Variants in ADAM2 observed in about 807,000 individuals in gnomAD.
ADAM2 encodes the protein disintegrin and metalloproteinase domain-containing protein 2.
Under a neutral mutation model 99.3 loss-of-function variants are expected in ADAM2, and 101 were observed. The ratio of observed to expected loss-of-function variants is 1.02; its 90% CI spans 0.87 to 1.20. ADAM2 has a LOEUF of 1.20. Ranked by LOEUF, ADAM2 falls within the 50% of genes most tolerant of loss-of-function variation. ADAM2 has a pLI of 0.00. For synonymous variants in ADAM2, 323 were observed against 287.6 expected (o/e 1.12, Z -1.25); for missense variants, 948 against 878.7 (o/e 1.08, Z -1.00).
chr8:39,766,820 A>G, intron 14 of ADAM2, 28 bp downstream of exon 14: 1 of 1,511,978 alleles, frequency 6.6e-7, no homozygotes, highest in Non-Finnish European at 9.0e-7. Context: ...AAAAACGCAT[A>G]TATGAGAAAT....
At chr8:39,787,097 AATT>A (rs1339893396) in intron 9 of ADAM2, 42 bp from the exon 10 acceptor site, 1 of 1,230,890 alleles carries the variant, frequency 8.1e-7, no homozygotes, top group African/African-American at 1.6e-5. Flanking sequence ...ATTTTGTAAA[AATT>A]AATATGAATT....
At chr8:39,822,839 G>A (rs761442422) in intron 4 of ADAM2, among the ~76,000 whole-genome samples, 2 of 152,044 alleles carry the variant, frequency 1.3e-5, no homozygotes, top group African/African-American at 2.4e-5. Flanking sequence ...CGTGATCTCG[G>A]CTCACTGCAA....
intron 10 of ADAM2, among the ~76,000 whole-genome samples, chr8:39,779,550 A>G (rs1304505187): frequency 6.6e-6 from 1 of 152,156 alleles, no homozygotes; most frequent in Non-Finnish European, 1.5e-5. Context: ...GGTTCTTGTT[A>G]TTATTATCTC....
At chr8:39,793,296 G>T (rs530864056) in intron 7 of ADAM2, among the ~76,000 whole-genome samples, 1 of 152,074 alleles carries the variant, frequency 6.6e-6, no homozygotes, top group Non-Finnish European at 1.5e-5. Flanking sequence ...AATGCAAAAT[G>T]AGAGCAGCCA....
chr8:39,755,630 C>T (rs541791925), intron 16 of ADAM2, 98 bp downstream of exon 16: 1 of 862,250 alleles, frequency 1.2e-6, no homozygotes, highest in South Asian at 1.6e-5. Flanking sequence ...GCAGAGATCA[C>T]ACCACTGCAC....
chr8:39,809,497 T>C (rs750647237), intron 6 of ADAM2, 31 bp from the exon 7 acceptor site: 1 of 1,071,728 alleles, frequency 9.3e-7, no homozygotes, highest in Non-Finnish European at 1.4e-6. Context: ...TACATCAAAA[T>C]TACAGAATTA....
rs151129845 is a variant in ADAM2 at position 39,746,584 on chromosome 8, G to C, written c.2062C>G (p.Pro688Ala). The change falls in exon 19 of 21, where the codon CCA becomes GCA. Residue 688 changes from proline to alanine, a missense_variant. By Grantham distance (27) the Pro-to-Ala change is conservative (BLOSUM62 -1). Coordinates refer to ENST00000265708, the MANE Select transcript of ADAM2 (RefSeq NM_001464.5). ...NIYHSKPMRW[P>A]FFLFIPFFII... ...AAGAAAGGAATGAATAAGAAAAATG[G>C]CCATCTCATTGGTTTGGAATGGTAA... 5.7e-5 allele frequency: 91 copies of C among 1,606,686 alleles called. No homozygotes were observed. The African/African-American group carries it at 1.1e-3, about 19-fold the overall frequency.
chr8:39,788,370 C>A (rs1425531941), intron 8 of ADAM2, 119 bp from the exon 9 acceptor site: 2 of 626,520 alleles, frequency 3.2e-6, no homozygotes, highest in African/African-American at 3.9e-5. Context: ...GTCTGCATTT[C>A]ATCTTTTAAA....
chr8:39,760,097 C>T (rs1027487388), intron 15 of ADAM2, among the ~76,000 whole-genome samples: 46 of 152,112 alleles, frequency 3.0e-4, no homozygotes, highest in Non-Finnish European at 5.6e-4. Context: ...TAACTCCTAA[C>T]CTCAGGTGAT....
At chr8:39,837,627 CGCCTTCCTCA>C (rs909564570) in intron 1 of ADAM2, among the ~76,000 whole-genome samples, 9 of 152,060 alleles carry the variant, frequency 5.9e-5, no homozygotes, top group Non-Finnish European at 1.0e-4. Context: ...CCTCGTGATA[CGCCTTCCTCA>C]GCCTCCCAAA....
intron 3 of ADAM2, among the ~76,000 whole-genome samples, chr8:39,825,175 T>G (rs2129588571): frequency 6.6e-6 from 1 of 152,316 alleles, no homozygotes; most frequent in South Asian, 2.1e-4. Flanking sequence ...TGGAAAGTTC[T>G]TCAACATAGT....
At chr8:39,774,492 C>T (rs897205100) in intron 11 of ADAM2, among the ~76,000 whole-genome samples, 13 of 151,726 alleles carry the variant, frequency 8.6e-5, no homozygotes, top group Admixed American at 1.3e-4. Context: ...TAATCAATAC[C>T]ATTTCTATAT....
At chr8:39,819,755 C>A (rs557021719) in intron 6 of ADAM2, among the ~76,000 whole-genome samples, 7 of 152,090 alleles carry the variant, frequency 4.6e-5, no homozygotes, top group African/African-American at 1.7e-4. Context: ...ATTTACCAAG[C>A]CTTCACAATC....
intron 8 of ADAM2, 145 bp from the exon 9 acceptor site, chr8:39,788,396 T>G (rs1803566510): frequency 1.7e-6 from 1 of 571,992 alleles, no homozygotes; most frequent in African/African-American, 2.0e-5. Context: ...TTAGTAAGTT[T>G]AAAATGTTAC....
intron 7 of ADAM2, among the ~76,000 whole-genome samples, chr8:39,798,669 T>G (rs1304626497): frequency 6.6e-6 from 1 of 152,184 alleles, no homozygotes; most frequent in Non-Finnish European, 1.5e-5. Context: ...TGTCTGGTCC[T>G]GGGCTTTTTT....
At chr8:39,824,192 A>G (rs1211917232) in intron 4 of ADAM2, among the ~76,000 whole-genome samples, 1 of 150,924 alleles carries the variant, frequency 6.6e-6, no homozygotes, top group African/African-American at 2.4e-5. Flanking sequence ...CTGAGGCAGG[A>G]GAATCACTTG....
At chr8:39,806,234 T>A (rs1354774338) in intron 7 of ADAM2, among the ~76,000 whole-genome samples, 1 of 150,964 alleles carries the variant, frequency 6.6e-6, no homozygotes, top group Admixed American at 6.6e-5. Flanking sequence ...CCACTAGGAA[T>A]CCAGGCTCAA....
In ADAM2 at chr8:39,786,970, A is replaced by G; in HGVS notation, c.891+4T>C. On this transcript the variant is annotated splice_donor_region_variant and intron_variant, in intron 10 of 20. Coordinates refer to ENST00000265708, the MANE Select transcript of ADAM2 (RefSeq NM_001464.5). ...CATACTTTCTATACATAACCATACCATACCAGAACAACACCTCCTGCATAG... is the reference window on the plus strand; with the variant it reads ...CATACTTTCTATACATAACCATACCGTACCAGAACAACACCTCCTGCATAG... 1.9e-6 allele frequency: 3 copies of G among 1,581,926 alleles called. 1 individual carries two copies. The South Asian group carries it at 3.5e-5, about 18-fold the overall frequency.
At chr8:39,787,817 A>T (rs1040020158) in intron 9 of ADAM2, among the ~76,000 whole-genome samples, 1 of 151,696 alleles carries the variant, frequency 6.6e-6, no homozygotes, top group East Asian at 1.9e-4. Flanking sequence ...AATTTTATGT[A>T]TTGTGTGAGA....
Sources: allele counts gnomAD v4.1 joint callset (sites outside exome capture counted in the v4.1 genomes callset), GRCh38; gene constraint gnomAD v4.1.1; transcripts MANE v1.5; gene names NCBI Gene and HGNC (gene_info 2026-07-23, HGNC 2026-07-21).